Variants in LINGO2 observed in about 807,000 individuals in gnomAD.
LINGO2 encodes leucine rich repeat and Ig domain containing 2, also known as leucine-rich repeat and immunoglobulin-like domain-containing nogo receptor-interacting protein 2.
LINGO2 carries 14 observed loss-of-function variants against 30.6 expected under a neutral mutation model. That is an observed-to-expected ratio of 0.46 (90% CI 0.30 to 0.72). LINGO2 has a LOEUF of 0.72. LINGO2 is among the 30% of genes least tolerant of loss of function. The pLI is 0.07. For missense variants in LINGO2, 729 were observed against 751.7 expected (o/e 0.97, Z 0.35); for synonymous variants, 317 against 288.5 (o/e 1.10, Z -1.00).
chr9:28,159,533 GAT>G (rs1418313395), intron 4 of LINGO2, among the ~76,000 whole-genome samples: 1 of 151,964 alleles, frequency 6.6e-6, no homozygotes, highest in African/African-American at 2.4e-5. Context: ...ATTGTAGAAT[GAT>G]TAAACCAAGC....
chr9:28,800,689 G>T, the LINGO2 span, among the ~76,000 whole-genome samples: 1 of 152,028 alleles, frequency 6.6e-6, no homozygotes, highest in African/African-American at 2.4e-5. Flanking sequence ...AAAACTAGCA[G>T]ACTGTAGCTC....
chr9:28,611,443 T>C (rs1030972308), intron 1 of LINGO2, among the ~76,000 whole-genome samples: 2 of 151,972 alleles, frequency 1.3e-5, no homozygotes, highest in Non-Finnish European at 2.9e-5. Context: ...AATATAGTAT[T>C]AGTAACTACA....
At chr9:28,794,727 G>A in the LINGO2 span, among the ~76,000 whole-genome samples, 1 of 152,142 alleles carries the variant, frequency 6.6e-6, no homozygotes, top group South Asian at 2.1e-4. Context: ...GAGATAGAAG[G>A]ACAATTTGGA....
At chr9:28,849,684 A>T in the LINGO2 span, among the ~76,000 whole-genome samples, 1 of 151,864 alleles carries the variant, frequency 6.6e-6, no homozygotes, top group Admixed American at 6.6e-5. Flanking sequence ...CAAGCTACCG[A>T]GCTTTGCAAT....
At chr9:28,099,033 TTG>T (rs1826331685) in intron 4 of LINGO2, among the ~76,000 whole-genome samples, 1 of 152,158 alleles carries the variant, frequency 6.6e-6, no homozygotes, top group South Asian at 2.1e-4. Flanking sequence ...TCAGGTCACA[TTG>T]ATTCTGAATT....
chr9:29,073,638 G>A, the LINGO2 span, among the ~76,000 whole-genome samples: 1 of 152,126 alleles, frequency 6.6e-6, no homozygotes, highest in African/African-American at 2.4e-5. Flanking sequence ...TAACAATAGA[G>A]TTCCATAGTT....
chr9:29,044,912 G>C, the LINGO2 span, among the ~76,000 whole-genome samples: 101 of 152,116 alleles, frequency 6.6e-4, no homozygotes, highest in African/African-American at 2.3e-3. Flanking sequence ...AATGGAACAA[G>C]TATAACAACA....
rs182881327 is a variant in LINGO2, at chr9:28,184,566, A to C, written c.-87+110642T>G. On this transcript the variant is annotated intron_variant, in intron 4 of 5. Transcript: ENST00000379992. Reference sequence around the variant, plus strand: ...GAGAAAAAGAAAGATGTAAAGGGGGAGGAAGGAGGGTAAGAGGGGGGAGAG... The same window carrying C: ...GAGAAAAAGAAAGATGTAAAGGGGGCGGAAGGAGGGTAAGAGGGGGGAGAG... 1.5e-3 allele frequency among the ~76,000 whole-genome samples: 227 copies of C among 150,150 alleles called. No homozygotes were observed. The East Asian group carries it at 0.025, about 17-fold the overall frequency.
chr9:27,940,153 ATTT>A, the LINGO2 span: 1 of 151,552 alleles, frequency 6.6e-6, no homozygotes, highest in African/African-American at 2.4e-5. Flanking sequence ...AAATTTTCTT[ATTT>A]TTTTCCCCAG....
chr9:28,117,784 A>G (rs1439677058), intron 4 of LINGO2, among the ~76,000 whole-genome samples: 26 of 150,482 alleles, frequency 1.7e-4, no homozygotes, highest in East Asian at 1.4e-3. Context: ...GACGGTGCGC[A>G]CACACACTGG....
At chr9:28,351,399 G>C (rs1819881088) in intron 3 of LINGO2, among the ~76,000 whole-genome samples, 1 of 151,192 alleles carries the variant, frequency 6.6e-6, no homozygotes, top group African/African-American at 2.4e-5. Flanking sequence ...AGAAAATCTA[G>C]AAGAAATGGA....
rs374825775 is a variant in LINGO2, at chr9:28,636,228, G to C, written c.-365+33972C>G. 1.4e-4 allele frequency among the ~76,000 whole-genome samples: 21 copies of C among 152,296 alleles called. No homozygotes were observed. In the South Asian group the frequency reaches 4.4e-3, roughly 32 times the overall value. Reference sequence around the variant, plus strand: ...TTTCTTAATCCAGTCTATCGTTGATGGACATTTGGGTTGGTTTCAAGTCTT... The same window carrying C: ...TTTCTTAATCCAGTCTATCGTTGATCGACATTTGGGTTGGTTTCAAGTCTT... On this transcript the variant is annotated intron_variant, in intron 1 of 5. Coordinates refer to ENST00000379992, the Ensembl canonical transcript of LINGO2.
At chr9:28,046,597 G>A (rs1026771418) in intron 4 of LINGO2, among the ~76,000 whole-genome samples, 2 of 152,152 alleles carry the variant, frequency 1.3e-5, no homozygotes, top group African/African-American at 4.8e-5. Context: ...TGTTGGACTG[G>A]CTAATTCTTA....
chr9:28,826,880 T>C, the LINGO2 span, among the ~76,000 whole-genome samples: 1 of 152,132 alleles, frequency 6.6e-6, no homozygotes, highest in African/African-American at 2.4e-5. Flanking sequence ...GAGGGCAATG[T>C]AAGTTTGACT....
intron 4 of LINGO2, among the ~76,000 whole-genome samples, chr9:28,104,262 G>GTTTTT (rs1364642044): frequency 1.8e-5 from 1 of 55,798 alleles, no homozygotes; most frequent in Non-Finnish European, 3.4e-5. Flanking sequence ...CAAGTTTTTT[G>GTTTTT]TTTGTTTTTT....
intron 5 of LINGO2, among the ~76,000 whole-genome samples, chr9:27,974,268 G>C (rs1001944052): frequency 3.3e-5 from 5 of 152,144 alleles, no homozygotes; most frequent in African/African-American, 1.2e-4. Flanking sequence ...AATCCTCCAT[G>C]ATGGGTCCTC....
At chr9:28,558,668 C>T (rs1325128052) in intron 1 of LINGO2, among the ~76,000 whole-genome samples, 1 of 152,022 alleles carries the variant, frequency 6.6e-6, no homozygotes, top group Non-Finnish European at 1.5e-5. Context: ...TTAAATTTTA[C>T]AAAAGAGTAT....
chr9:28,494,237 C>T (rs1400977335), intron 1 of LINGO2, among the ~76,000 whole-genome samples: 1 of 151,972 alleles, frequency 6.6e-6, no homozygotes, highest in Non-Finnish European at 1.5e-5. Flanking sequence ...TTAAATCATA[C>T]TTTAAGCACT....
intron 1 of LINGO2, among the ~76,000 whole-genome samples, chr9:28,608,017 A>G (rs1332156399): frequency 6.6e-6 from 1 of 152,072 alleles, no homozygotes; most frequent in African/African-American, 2.4e-5. Context: ...AATGGTTTGC[A>G]TATGTTTCCA....
Sources: allele counts gnomAD v4.1 joint callset (sites outside exome capture counted in the v4.1 genomes callset), GRCh38; gene constraint gnomAD v4.1.1; transcripts MANE v1.5; gene names NCBI Gene and HGNC (gene_info 2026-07-23, HGNC 2026-07-21).